ANTXRL: variants seen among roughly 807,000 people sequenced by gnomAD.
ANTXRL encodes the protein anthrax toxin receptor-like.
In ANTXRL, 63 loss-of-function variants were observed where a neutral mutation model predicts 75.4. The ratio of observed to expected loss-of-function variants is 0.84; its 90% CI spans 0.68 to 1.03. The LOEUF (loss-of-function observed/expected upper bound fraction) is 1.03, where lower values mean the gene tolerates loss of function less well. Among genes scored for constraint, ANTXRL ranks in the 50% least tolerant of loss-of-function variants. The pLI is 0.00. For synonymous variants in ANTXRL, 335 were observed against 291.3 expected (o/e 1.15, Z -1.53); for missense variants, 797 against 789.4 (o/e 1.01, Z -0.12).
At position 46,304,814 on chromosome 10, in the gene ANTXRL, G is replaced by A. The variant is rs182287159; in HGVS notation, c.896-1989G>A. On this transcript the variant is annotated intron_variant, in intron 10 of 16. Coordinates refer to ENST00000620264, the MANE Select transcript of ANTXRL (RefSeq NM_001278688.3). ...GCGATCTGCCTTCTGCCTCCCTGTG[G>A]TGGCAGCTCCTGGGAAAGGGGGTAC... 1.4e-3 allele frequency among the ~76,000 whole-genome samples: 212 copies of A among 152,296 alleles called. 1 individual carries two copies. The highest frequency in any genetic ancestry group is 4.7e-3 in the African/African-American group (194 of 41,542).
rs1270678021 is a variant in ANTXRL at position 46,311,652 on chromosome 10, T to C, written c.1316T>C (p.Met439Thr). ...TGTGGATGCCAAGGAGTGGGCGGGA[T>C]GAGAAGGATAGAGGTGAGAAGGGCA... Reference protein sequence around the residue: ...CCCGCQGVGGMRRIEGNLDTF... With the variant: ...CCCGCQGVGGTRRIEGNLDTF... The change falls in exon 15 of 17, where the codon ATG (methionine) becomes ACG (threonine). Residue 439 changes from methionine (M) to threonine (T), a missense_variant. Met to Thr is a moderately conservative substitution (Grantham distance 81). Around this residue, in one of 3 missense-constraint regions of ANTXRL, gnomAD observed 479 missense variants for 422.0 expected, o/e 1.14. Transcript: ENST00000620264. 2 of 1,122,622 alleles carry C rather than the reference T, an allele frequency of 1.8e-6. No homozygotes were observed. Among genetic ancestry groups the C allele is most frequent in the Admixed American group, 2.0e-5 (1 of 50,380 alleles). The allele number at this position is 1,122,622 out of a possible 1,614,324, so 69.5% of individuals were successfully genotyped here.
chr10:46,309,067 G>GAAGGGGCCACCAAGTGGTGGGCACGGGA (rs1838268010), intron 12 of ANTXRL, 46 bp from the exon 13 acceptor site: 7 of 1,535,180 alleles, frequency 4.6e-6, no homozygotes, highest in Non-Finnish European at 6.1e-6. Flanking sequence ...TGGGCACGGG[G>GAAGGGGCCACCAAGTGGTGGGCACGGGA]AAGAGGCCAC....
At chr10:46,305,164 C>T (rs1837997655) in intron 10 of ANTXRL, among the ~76,000 whole-genome samples, 1 of 152,210 alleles carries the variant, frequency 6.6e-6, no homozygotes, top group Admixed American at 6.5e-5. Flanking sequence ...CCTGCACCCC[C>T]AACTAGATGG....
rs1484585054 is a variant in ANTXRL at position 46,308,737 on chromosome 10, G to A, written c.1045-376G>A. On this transcript the variant is annotated intron_variant, in intron 12 of 16. Transcript: ENST00000620264. Reference sequence around the variant, plus strand: ...GCAGAGCCTGGAAGTGGGGAGAGAGGCTGTGGGGGATGGACCCGGGTCTCC... The same window carrying A: ...GCAGAGCCTGGAAGTGGGGAGAGAGACTGTGGGGGATGGACCCGGGTCTCC... 10 of 346,460 alleles carry A rather than the reference G, an allele frequency of 2.9e-5. No individual in the cohort carries two copies. In the East Asian group the frequency reaches 7.6e-4, roughly 26 times the overall value. 21.5% of individuals were successfully genotyped at this position (346,460 alleles called of 1,614,324 possible). A position where few individuals can be genotyped will look rare whatever the true frequency, so the allele number is the denominator to read the frequency against.
chr10:46,323,337 C>T (rs373852781), intron 16 of ANTXRL, among the ~76,000 whole-genome samples: 32 of 152,230 alleles, frequency 2.1e-4, no homozygotes, highest in African/African-American at 7.2e-4. Flanking sequence ...CGTAAATTAA[C>T]GCAAGAGGCC....
intron 3 of ANTXRL, chr10:46,294,135 C>T (rs566476915): frequency 4.0e-5 from 22 of 548,070 alleles, no homozygotes; most frequent in Admixed American, 1.0e-4. Flanking sequence ...CAGCCTCCCC[C>T]ACTTCACGCT....
At chr10:46,296,630 A>G (rs1157510215) in intron 5 of ANTXRL, among the ~76,000 whole-genome samples, 1 of 152,060 alleles carries the variant, frequency 6.6e-6, no homozygotes, top group East Asian at 1.9e-4. Flanking sequence ...ACCCTGTCTC[A>G]TATGGTACAG....
chr10:46,298,804 C>T (rs376637687), intron 9 of ANTXRL, among the ~76,000 whole-genome samples: 4 of 148,520 alleles, frequency 2.7e-5, no homozygotes, highest in Non-Finnish European at 3.0e-5. Context: ...GTGTGTACTT[C>T]GGGTGTGTGG....
intron 1 of ANTXRL, 97 bp downstream of exon 1, chr10:46,287,607 C>A: frequency 7.0e-7 from 1 of 1,436,300 alleles, no homozygotes; most frequent in Non-Finnish European, 9.1e-7. Context: ...ATGCAAGCTT[C>A]CGTCACAGAA....
intron 2 of ANTXRL, 135 bp downstream of exon 2, chr10:46,292,264 T>C: frequency 2.4e-6 from 2 of 837,282 alleles, no homozygotes; most frequent in Non-Finnish European, 3.8e-6. Flanking sequence ...CAAGGTGGCA[T>C]TCTGAAGCAG....
At chr10:46,313,367 C>A in intron 16 of ANTXRL, 51 bp downstream of exon 16, 1 of 1,493,272 alleles carries the variant, frequency 6.7e-7, no homozygotes, top group Non-Finnish European at 9.0e-7. Flanking sequence ...CACTGCTTTT[C>A]CCCTGACCAC....
intron 9 of ANTXRL, among the ~76,000 whole-genome samples, chr10:46,299,747 A>G (rs1453437065): frequency 1.3e-5 from 2 of 152,162 alleles, no homozygotes; most frequent in Admixed American, 6.5e-5. Flanking sequence ...CCTCCCATGA[A>G]CAGAAAAGAC....
chr10:46,315,383 C>G (rs1190750517), intron 16 of ANTXRL, among the ~76,000 whole-genome samples: 2 of 152,372 alleles, frequency 1.3e-5, no homozygotes, highest in Admixed American at 1.3e-4. Context: ...CCCAGCCAGG[C>G]AGCCCAACTG....
At chr10:46,326,682 G>T (rs1263308031) in intron 16 of ANTXRL, among the ~76,000 whole-genome samples, 2 of 152,142 alleles carry the variant, frequency 1.3e-5, no homozygotes, top group East Asian at 3.9e-4. Flanking sequence ...AGCCACCTCT[G>T]TGAGGCCTGG....
At chr10:46,294,363 G>A (rs1180942964) in intron 3 of ANTXRL, among the ~76,000 whole-genome samples, 7 of 152,128 alleles carry the variant, frequency 4.6e-5, no homozygotes, top group Non-Finnish European at 5.9e-5. Flanking sequence ...GATGCTGGCA[G>A]GCCCAGACTG....
chr10:46,325,446 C>T (rs1366674543), intron 16 of ANTXRL, among the ~76,000 whole-genome samples: 1 of 152,084 alleles, frequency 6.6e-6, no homozygotes, highest in Non-Finnish European at 1.5e-5. Context: ...GATTGTTAGC[C>T]TTTTGGGTTT....
chr10:46,298,619 G>A (rs1837532047), intron 9 of ANTXRL, among the ~76,000 whole-genome samples: 1 of 151,806 alleles, frequency 6.6e-6, no homozygotes, highest in Non-Finnish European at 1.5e-5. Flanking sequence ...GGCTGCTGGT[G>A]TGTGGGAAGG....
At chr10:46,301,882 C>T (rs1837766599) in intron 9 of ANTXRL, among the ~76,000 whole-genome samples, 1 of 152,200 alleles carries the variant, frequency 6.6e-6, no homozygotes, top group South Asian at 2.1e-4. Flanking sequence ...GGCCAGGAGG[C>T]AGGGGTGGAG....
chr10:46,317,680 G>A (rs937319425), intron 16 of ANTXRL, among the ~76,000 whole-genome samples: 10 of 151,824 alleles, frequency 6.6e-5, no homozygotes, highest in Non-Finnish European at 1.5e-4. Flanking sequence ...CCTTCCCTTC[G>A]ACTCCTCAGC....
Sources: gnomAD v4.1 joint callset for allele counts (sites outside exome capture counted in the v4.1 genomes callset) on GRCh38, gnomAD v4.1.1 for gene constraint, gnomAD v4.1.1 regional missense constraint, MANE v1.5 for transcripts, NCBI Gene and HGNC (gene_info 2026-07-23, HGNC 2026-07-21) for gene names.